HID1: variants seen among roughly 807,000 people sequenced by gnomAD.
HID1 encodes the protein protein HID1.
Under a neutral mutation model 89.7 loss-of-function variants are expected in HID1, and 42 were observed. That is an observed-to-expected ratio of 0.47 (90% confidence interval 0.37 to 0.61). The LOEUF (loss-of-function observed/expected upper bound fraction) is 0.61. Ranked by LOEUF, HID1 falls within the 20% of genes least tolerant of loss-of-function variation. The probability of loss-of-function intolerance (pLI) is 0.00; values close to 1 mark genes in which losing one functional copy is unlikely to be tolerated. For missense variants in HID1, 854 were observed against 1,039.3 expected (o/e 0.82, Z 2.45); for synonymous variants, 442 against 433.8 (o/e 1.02, Z -0.24).
At chr17:74,955,333 C>G (rs1385048831) in intron 13 of HID1, among the ~76,000 whole-genome samples, 2 of 152,116 alleles carry the variant, frequency 1.3e-5, no homozygotes, top group African/African-American at 2.4e-5. Flanking sequence ...TTGCTTGTCT[C>G]TATTAAAAAT....
At chr17:74,956,484 A>G (rs893021260) in intron 12 of HID1, among the ~76,000 whole-genome samples, 1 of 151,980 alleles carries the variant, frequency 6.6e-6, no homozygotes, top group Non-Finnish European at 1.5e-5. Flanking sequence ...GTCTTGTGTC[A>G]TTTTCCCTCA....
Position 74,953,605 on chromosome 17 carries a change from G to C in HID1, c.1911C>G (p.Thr637=), listed in dbSNP as rs1481915537. 1 of 1,614,102 alleles carries C rather than the reference G, an allele frequency of 6.2e-7. No homozygotes were observed. Among genetic ancestry groups the C allele is most frequent in the South Asian group, 1.1e-5 (1 of 91,076 alleles). The change falls in exon 15 of 19, where the codon ACC becomes ACG. Residue 637 remains threonine (T), a synonymous_variant. Coordinates refer to ENST00000425042, the MANE Select transcript of HID1 (RefSeq NM_030630.3). ...TEKSQVSEDG[T]LRSLEPEPQQ... ...GGGGCTCAGGTTCCAGGGACCGCAAGGTGCCATCCTCTGACACCTGGGACT... is the reference window on the plus strand; with the variant it reads ...GGGGCTCAGGTTCCAGGGACCGCAACGTGCCATCCTCTGACACCTGGGACT...
intron 13 of HID1, chr17:74,954,751 A>G (rs1342012016): frequency 7.1e-6 from 2 of 282,560 alleles, no homozygotes; most frequent in East Asian, 1.1e-4. Flanking sequence ...GGCCAGGAGA[A>G]GTCACAGAGG....
Position 74,962,127 on chromosome 17 carries a change from T to A in HID1, c.611+107A>T. 8.7e-7 allele frequency: 1 copy of A among 1,154,900 alleles called. No individual in the cohort carries two copies. The highest frequency in any genetic ancestry group is 1.2e-6 in the Non-Finnish European group (1 of 807,518). The allele number at this position is 1,154,900 out of a possible 1,614,324, so 71.5% of individuals were successfully genotyped here. ...CCCCTGTAAGGTCAAGGTCGGGTCA[T>A]AGGTGAGGACGGTCTTCTGGGAAGA... On this transcript the variant is annotated intron_variant, in intron 5 of 18. Transcript: ENST00000425042. This position sits in a 1 kb window ranked among gnomAD's most constrained non-coding sequence, Gnocchi z 4.3.
intron 1 of HID1, among the ~76,000 whole-genome samples, chr17:74,969,638 G>T (rs900354171): frequency 6.6e-6 from 1 of 151,966 alleles, no homozygotes; most frequent in Non-Finnish European, 1.5e-5. Flanking sequence ...GTCTTGCTCC[G>T]TTGCCCAGAC....
chr17:74,972,753 A>G lies in HID1; in HGVS notation c.-97T>C. The G allele has an allele frequency of 1.7e-6, 2 of 1,210,396 alleles. No homozygotes were observed. Among genetic ancestry groups the G allele is most frequent in the Non-Finnish European group, 2.2e-6 (2 of 908,374 alleles). The allele number at this position is 1,210,396 out of a possible 1,614,324, so 75.0% of individuals were successfully genotyped here. ...GCTCCGCGGCCCCCGCGGCTCTCGC[A>G]GGAGACAAGCGGCGCGCCCCGCCCC... is the stretch of plus-strand genomic sequence containing the variant. On this transcript the variant is annotated 5_prime_UTR_variant, in exon 1 of 19. Transcript: ENST00000425042. The surrounding 1 kb of genome is among the most constrained non-coding windows in gnomAD (Gnocchi z 6.4).
In HID1 at chr17:74,963,878, A is replaced by C. The variant is rs777414873; in HGVS notation, c.249T>G (p.Ser83Arg). ...AVEKLVQGAE[S>R]GCHSEKEKQI... ...GCTTCTCCTTCTCCGAGTGGCAGCC[A>C]CTCTCAGCTCCCTGCACCAGCTTCT... The change falls in exon 3 of 19, where the codon AGT becomes AGG. Residue 83 changes from serine to arginine, a missense_variant. Physicochemically the swap from Ser to Arg is moderately radical, Grantham distance 110. Coordinates refer to ENST00000425042, the MANE Select transcript of HID1 (RefSeq NM_030630.3). 6.2e-7 allele frequency: 1 copy of C among 1,613,656 alleles called. No individual in the cohort carries two copies. Among genetic ancestry groups the C allele is most frequent in the Non-Finnish European group, 8.5e-7 (1 of 1,180,006 alleles).
intron 12 of HID1, 66 bp from the exon 13 acceptor site, chr17:74,956,022 G>C: frequency 6.6e-7 from 1 of 1,521,086 alleles, no homozygotes; most frequent in South Asian, 1.2e-5. Context: ...ATCCTGGGCC[G>C]GGGTGGAACA....
rs370268612 is a variant in HID1, at chr17:74,953,043, G to A, written c.2015C>T (p.Ser672Leu). The change falls in exon 16 of 19, where the codon TCA becomes TTA. Residue 672 changes from serine (S) to leucine (L), a missense_variant. By Grantham distance (145) the Ser-to-Leu change is moderately radical. Transcript: ENST00000425042. ...TGGGCTCCACTGCCCACTGGCTGAT[G>A]AGGTGGACGGTCGCCGCTGCTCCCT... is the stretch of plus-strand genomic sequence containing the variant. The part of the protein sequence containing the change: ...AWREQRRPST[S>L]SASGQWSPTP... 25 of 1,609,258 alleles carry A rather than the reference G, an allele frequency of 1.6e-5. No individual in the cohort carries two copies. The African/African-American group carries it at 3.3e-4, about 21-fold the overall frequency.
chr17:74,952,110 G>A, intron 17 of HID1, 47 bp from the exon 18 acceptor site: 4 of 1,538,200 alleles, frequency 2.6e-6, no homozygotes, highest in Non-Finnish European at 3.5e-6. Flanking sequence ...GTCCAGGGGA[G>A]CACGGGGCTC....
rs761972753 is a variant in HID1, at chr17:74,960,011, T to G, written c.951+15A>C. On this transcript the variant is annotated intron_variant, in intron 7 of 18. Coordinates refer to ENST00000425042, the MANE Select transcript of HID1 (RefSeq NM_030630.3). The stretch of plus-strand genomic sequence containing the variant: ...GTGGCCCCGGCAGCTGTCCCTTCCA[T>G]GCTCCCATCCTTACATCGGCATCAT... The G allele has an allele frequency of 6.2e-7, 1 of 1,613,334 alleles. No individual in the cohort carries two copies. Among genetic ancestry groups the G allele is most frequent in the Non-Finnish European group, 8.5e-7 (1 of 1,179,712 alleles).
rs764853893 is a variant in HID1 at position 74,961,881 on chromosome 17, C to T, written c.720G>A (p.Thr240=). ...GGCCAAGGGCCCTTCACCTGTTCTC[C>T]GTGGAACAAAAGAACTGAACCCATG... ...TNPWVQFFCS[T]ENRHALPLFT... is the part of the protein sequence containing the mutation. The change falls in exon 6 of 19, where the codon ACG becomes ACA. Residue 240 remains threonine (T), a synonymous_variant. Coordinates refer to ENST00000425042, the MANE Select transcript of HID1 (RefSeq NM_030630.3). 2.5e-6 allele frequency: 4 copies of T among 1,571,762 alleles called. No individual in the cohort carries two copies. Among genetic ancestry groups the T allele is most frequent in the Admixed American group, 1.9e-5 (1 of 53,960 alleles).
rs1194113700 is a variant in HID1 at position 74,960,085 on chromosome 17, T to TGGCACTGTC, written c.883_891dup (p.Asp295_Ala297dup). The TGGCACTGTC allele has an allele frequency of 6.2e-7, 1 of 1,613,878 alleles. No homozygotes were observed. The highest frequency in any genetic ancestry group is 1.1e-5 in the South Asian group (1 of 91,046). ...CCGTCCACAGTGGGGCTGGCACTGC[T>TGGCACTGTC]GGCACTGTCGTGGTCCAAAGTGACA... On this transcript the variant is annotated inframe_insertion, in exon 7 of 19. Transcript: ENST00000425042.
intron 1 of HID1, among the ~76,000 whole-genome samples, chr17:74,969,922 CT>C (rs61436029): frequency 3.7e-4 from 41 of 112,152 alleles, no homozygotes; most frequent in African/African-American, 9.6e-4. Context: ...TTTCTTTTTT[CT>C]TTTTTTTTTT....
chr17:74,960,314 C>G (rs1567961638), intron 6 of HID1, 66 bp from the exon 7 acceptor site: 2 of 1,378,464 alleles, frequency 1.5e-6, no homozygotes, highest in Non-Finnish European at 2.0e-6. Flanking sequence ...CCACACCTCT[C>G]TGGCCACGTG....
At position 74,962,335 on chromosome 17, in the gene HID1, C is replaced by T. The variant is rs1489807040; in HGVS notation, c.510G>A (p.Ser170=). 6.2e-7 allele frequency: 1 copy of T among 1,608,300 alleles called. No homozygotes were observed. The highest frequency in any genetic ancestry group is 8.5e-7 in the Non-Finnish European group (1 of 1,175,802). The part of the protein sequence containing the change: ...VQSHRRSTVD[S]AEDVHSLDSC... ...TGTCCAGGGAGTGGACGTCCTCTGC[C>T]GAGTCCTGGGGACAGGCCAGGAAGA... Residue 170 remains serine, a synonymous_variant, in exon 5 of 19, where the codon TCG becomes TCA. Transcript: ENST00000425042. This position sits in a 1 kb window ranked among gnomAD's most constrained non-coding sequence, Gnocchi z 4.3.
In HID1 at chr17:74,968,754, G is replaced by A. The variant is rs144008265; in HGVS notation, c.66+3837C>T. Among the ~76,000 whole-genome samples, 458 of 152,254 alleles carry A rather than the reference G, an allele frequency of 3.0e-3. 2 individuals are homozygous for A. The highest frequency in any genetic ancestry group is 0.011 in the African/African-American group (438 of 41,560). On this transcript the variant is annotated intron_variant, in intron 1 of 18. Transcript: ENST00000425042. The stretch of plus-strand genomic sequence containing the variant: ...CATCTGGGAGTGCCTCTGGGAAGCC[G>A]CCATCCCTGACACTTTTCCCACCTC...
At chr17:74,954,763 T>C in intron 13 of HID1, 1 of 273,172 alleles carries the variant, frequency 3.7e-6, no homozygotes, top group Non-Finnish European at 7.1e-6. Flanking sequence ...TCACAGAGGA[T>C]CCGTCCATCC....
At chr17:74,965,328 G>A (rs1417559314) in intron 1 of HID1, among the ~76,000 whole-genome samples, 1 of 152,240 alleles carries the variant, frequency 6.6e-6, no homozygotes, top group Non-Finnish European at 1.5e-5. Context: ...GCTGCCACAG[G>A]CACTGCTTCC....
Sources: allele counts gnomAD v4.1 joint callset (sites outside exome capture counted in the v4.1 genomes callset), GRCh38; gene constraint gnomAD v4.1.1; non-coding constraint Gnocchi (gnomAD v3.1); transcripts MANE v1.5; gene names NCBI Gene and HGNC (gene_info 2026-07-23, HGNC 2026-07-21).